NTM: variants seen among roughly 807,000 people sequenced by gnomAD.
NTM encodes IgLON family member 2.
Under a neutral mutation model 42.1 loss-of-function variants are expected in NTM, and 13 were observed. The ratio of observed to expected loss-of-function variants is 0.31; its 90% confidence interval spans 0.20 to 0.49. The LOEUF (loss-of-function observed/expected upper bound fraction) is 0.49, where lower values mean the gene tolerates loss of function less well. Among genes scored for constraint, NTM ranks in the 20% least tolerant of loss-of-function variants. The pLI, the probability that NTM is intolerant of heterozygous loss-of-function variation, is 0.99. For missense variants in NTM, 373 were observed against 452.8 expected (o/e 0.82, Z 1.60); for synonymous variants, 187 against 179.2 (o/e 1.04, Z -0.35).
intron 3 of NTM, among the ~76,000 whole-genome samples, chr11:132,178,380 G>A (rs1040022834): frequency 2.6e-5 from 4 of 152,134 alleles, no homozygotes; most frequent in African/African-American, 9.7e-5. Flanking sequence ...TTCCCACTTT[G>A]CCTTTCTGTC....
intron 3 of NTM, among the ~76,000 whole-genome samples, chr11:132,211,485 C>G (rs1268256499): frequency 6.6e-6 from 1 of 152,202 alleles, no homozygotes; most frequent in Non-Finnish European, 1.5e-5. Context: ...TATGCCCAGA[C>G]AGGGCATGAT....
intron 1 of NTM, chr11:131,794,529 C>G (rs2091328385): frequency 1.0e-6 from 1 of 984,304 alleles, no homozygotes; most frequent in South Asian, 4.7e-5. Context: ...GAATTTTACT[C>G]CTTGCTGCTT....
chr11:132,111,487 C>T (rs1169675066), intron 2 of NTM, among the ~76,000 whole-genome samples: 1 of 152,134 alleles, frequency 6.6e-6, no homozygotes, highest in African/African-American at 2.4e-5. Flanking sequence ...TTTAATGCAA[C>T]ACAGAGGTTT....
chr11:131,795,695 G>A (rs1014288103), intron 1 of NTM: 3 of 985,258 alleles, frequency 3.0e-6, no homozygotes, highest in Non-Finnish European at 3.6e-6. Flanking sequence ...GATATTTACG[G>A]CATTTTCTTT....
intron 1 of NTM, among the ~76,000 whole-genome samples, chr11:131,849,230 G>A (rs539050207): frequency 1.3e-4 from 20 of 152,150 alleles, no homozygotes; most frequent in Non-Finnish European, 2.9e-4. Flanking sequence ...TGTGTTTTGG[G>A]TCAAGTAGAA....
intron 1 of NTM, among the ~76,000 whole-genome samples, chr11:131,501,009 T>C (rs983216956): frequency 1.3e-5 from 2 of 151,788 alleles, no homozygotes; most frequent in Admixed American, 6.6e-5. Context: ...CTATAGTTAT[T>C]AAGTGGTGGA....
chr11:131,627,221 TTA>T (rs1271217494), intron 1 of NTM, among the ~76,000 whole-genome samples: 7 of 148,852 alleles, frequency 4.7e-5, no homozygotes, highest in South Asian at 4.2e-4. Flanking sequence ...CGGCTTTTAT[TTA>T]TTTATTTTTT....
At chr11:131,764,634 C>G (rs1405970717) in intron 1 of NTM, among the ~76,000 whole-genome samples, 1 of 152,092 alleles carries the variant, frequency 6.6e-6, no homozygotes, top group Non-Finnish European at 1.5e-5. Context: ...TTATATAATA[C>G]AGTAATGTCT....
intron 1 of NTM, among the ~76,000 whole-genome samples, chr11:131,810,181 A>G (rs1272781085): frequency 4.7e-4 from 72 of 152,082 alleles, no homozygotes; most frequent in Non-Finnish European, 1.5e-4. Context: ...CCTCTGCTTA[A>G]GGCTTCTGTC....
At chr11:132,084,707 A>G (rs920948793) in intron 2 of NTM, among the ~76,000 whole-genome samples, 2 of 152,230 alleles carry the variant, frequency 1.3e-5, no homozygotes, top group Admixed American at 6.5e-5. Context: ...AAGAGGAAAT[A>G]CTTAGCTTTC....
At chr11:131,616,030 C>T (rs899134574) in intron 1 of NTM, among the ~76,000 whole-genome samples, 28 of 152,242 alleles carry the variant, frequency 1.8e-4, no homozygotes, top group African/African-American at 6.3e-4. Context: ...CACATCCTTG[C>T]GTGGCCCTCA....
At chr11:131,726,794 G>A (rs1256665284) in intron 1 of NTM, among the ~76,000 whole-genome samples, 1 of 150,998 alleles carries the variant, frequency 6.6e-6, no homozygotes, top group East Asian at 1.9e-4. Context: ...GCTCATTGCA[G>A]CCTAAACCTA....
At position 131,476,799 on chromosome 11, in the gene NTM, G is replaced by A. The variant is rs58147975; in HGVS notation, c.82+105911G>A. On this transcript the variant is annotated intron_variant, in intron 1 of 8. Transcript: ENST00000683400. ...CTTCTCCTACTCAGCCCACATAGGC[G>A]GAAAAGCTCTCTAATCTTTATCTCA... Among the ~76,000 whole-genome samples, 1,301 of 132,628 alleles carry A rather than the reference G, an allele frequency of 9.8e-3. 19 individuals carry two copies. The highest frequency in any genetic ancestry group is 0.031 in the African/African-American group (1,167 of 37,522). 87.0% of individuals were successfully genotyped at this position (132,628 alleles called of 152,430 possible). A position where few individuals can be genotyped will look rare whatever the true frequency, so the allele number is the denominator to read the frequency against.
At chr11:132,163,370 T>C (rs78099890) in intron 3 of NTM, among the ~76,000 whole-genome samples, 1 of 152,294 alleles carries the variant, frequency 6.6e-6, no homozygotes, top group African/African-American at 2.4e-5. Flanking sequence ...GAGGCAACTG[T>C]AGGAAAACAG....
chr11:131,692,242 G>A (rs2074871180), intron 1 of NTM, among the ~76,000 whole-genome samples: 1 of 152,232 alleles, frequency 6.6e-6, no homozygotes, highest in African/African-American at 2.4e-5. Flanking sequence ...TCTGGGTGAT[G>A]CTGGCACAGG....
chr11:132,193,099 C>G (rs2079576104), intron 3 of NTM, among the ~76,000 whole-genome samples: 1 of 152,128 alleles, frequency 6.6e-6, no homozygotes, highest in Admixed American at 6.5e-5. Flanking sequence ...ATCATTGAGG[C>G]AGATATCTAA....
At chr11:132,071,721 C>G (rs1434494133) in intron 2 of NTM, among the ~76,000 whole-genome samples, 3 of 151,810 alleles carry the variant, frequency 2.0e-5, no homozygotes, top group Non-Finnish European at 4.4e-5. Context: ...ATGGGGTGTG[C>G]GTTTTTGTGT....
intron 1 of NTM, among the ~76,000 whole-genome samples, chr11:131,810,041 T>C (rs1035475994): frequency 2.0e-5 from 3 of 152,192 alleles, no homozygotes; most frequent in Non-Finnish European, 4.4e-5. Flanking sequence ...TTTATCGATC[T>C]GCAATAAAAC....
chr11:131,885,151 A>C (rs1204292802), intron 1 of NTM, among the ~76,000 whole-genome samples: 2 of 152,158 alleles, frequency 1.3e-5, no homozygotes, highest in Admixed American at 1.3e-4. Flanking sequence ...TGGACACCAC[A>C]CCTCACCCGG....
Sources: gnomAD v4.1 joint callset for allele counts (sites outside exome capture counted in the v4.1 genomes callset) on GRCh38, gnomAD v4.1.1 for gene constraint, MANE v1.5 for transcripts, NCBI Gene and HGNC (gene_info 2026-07-23, HGNC 2026-07-21) for gene names.